Variants in RAB28 observed in about 807,000 individuals in gnomAD.
RAB28 encodes ras-related protein Rab-28.
In RAB28, 24 loss-of-function variants were observed where a neutral mutation model predicts 31.7. The ratio of observed to expected loss-of-function variants is 0.76; its 90% CI spans 0.55 to 1.06. RAB28 has a LOEUF of 1.06. Among genes scored for constraint, RAB28 ranks in the 50% least tolerant of loss-of-function variants. The pLI is 0.00. For missense variants in RAB28, 254 were observed against 258.5 expected, an observed-to-expected ratio of 0.98 and a Z score of 0.12; for synonymous variants, 100 against 90.4, an observed-to-expected ratio of 1.11 and a Z score of -0.60.
At chr4:13,475,351 T>C (rs184388483) in intron 2 of RAB28, among the ~76,000 whole-genome samples, 73 of 151,580 alleles carry the variant, frequency 4.8e-4, no homozygotes, top group African/African-American at 1.7e-3. Context: ...TATGCAGTTT[T>C]CTCCAGTTTC....
At chr4:13,444,302 C>T (rs1714583142) in intron 4 of RAB28, among the ~76,000 whole-genome samples, 1 of 152,142 alleles carries the variant, frequency 6.6e-6, no homozygotes, top group African/African-American at 2.4e-5. Context: ...GTTGGGATTA[C>T]AGACTTGAGC....
rs115186279 is a variant in RAB28, at chr4:13,450,890, C to A, written c.391+9809G>T. Among the ~76,000 whole-genome samples, 1,054 of 151,376 alleles carry A rather than the reference C, an allele frequency of 7.0e-3. 9 individuals are homozygous for A. The highest frequency in any genetic ancestry group is 0.014 in the Middle Eastern group (4 of 294). On this transcript the variant is annotated intron_variant, in intron 4 of 6. Coordinates refer to ENST00000330852, the MANE Select transcript of RAB28 (RefSeq NM_001017979.3). ...GGAAACAGAAAAAAAAATAAACATG[C>A]CTTGCACTTATAATGGGCGAAGAAG...
intron 4 of RAB28, among the ~76,000 whole-genome samples, chr4:13,382,374 G>A (rs1729165835): frequency 6.6e-6 from 1 of 151,802 alleles, no homozygotes; most frequent in Non-Finnish European, 1.5e-5. Context: ...AAATTATAAG[G>A]CAAATATATT....
rs1243873338 is a variant in RAB28 at position 13,484,320 on chromosome 4, G to C, written c.-170C>G. 6.6e-6 allele frequency: 4 copies of C among 605,780 alleles called. No individual in the cohort carries two copies. Among genetic ancestry groups the C allele is most frequent in the Non-Finnish European group, 1.2e-5 (4 of 330,274 alleles). The allele number at this position is 605,780 out of a possible 1,614,324, so 37.5% of individuals were successfully genotyped here. A position where few individuals can be genotyped will look rare whatever the true frequency, so the allele number is the denominator to read the frequency against. ...AGAATCACTCGGCAAGCGCCATCTT[G>C]CCCACCTCCCCGCCCTCTGCGCGCG... is the stretch of plus-strand genomic sequence containing the variant. On this transcript the variant is annotated 5_prime_UTR_variant, in exon 1 of 7. Transcript: ENST00000330852.
intron 4 of RAB28, among the ~76,000 whole-genome samples, chr4:13,417,665 T>C (rs1712871073): frequency 6.6e-6 from 1 of 152,040 alleles, no homozygotes; most frequent in African/African-American, 2.4e-5. Context: ...ACTGGACTCT[T>C]AGAAGGAAAA....
chr4:13,470,534 T>A (rs1463803834), intron 3 of RAB28, among the ~76,000 whole-genome samples: 2 of 152,006 alleles, frequency 1.3e-5, no homozygotes, highest in African/African-American at 2.4e-5. Context: ...TGACTACACT[T>A]CATTGAGTTT....
intron 4 of RAB28, among the ~76,000 whole-genome samples, chr4:13,434,183 G>A (rs1026825242): frequency 6.6e-6 from 1 of 152,126 alleles, no homozygotes; most frequent in Non-Finnish European, 1.5e-5. Flanking sequence ...ATGGAGTGGG[G>A]TAAAGGCTGA....
chr4:13,400,726 GA>G (rs1711699885), intron 4 of RAB28, among the ~76,000 whole-genome samples: 1 of 152,120 alleles, frequency 6.6e-6, no homozygotes, highest in African/African-American at 2.4e-5. Context: ...TGAAGTTGAA[GA>G]AGTTTCTTCT....
intron 4 of RAB28, among the ~76,000 whole-genome samples, chr4:13,432,202 A>C (rs59392732): frequency 6.6e-6 from 1 of 152,132 alleles, no homozygotes; most frequent in African/African-American, 2.4e-5. Context: ...TCAGAGCTTG[A>C]ATACCCGTCT....
intron 6 of RAB28, chr4:13,370,430 T>C (rs528230114): frequency 1.1e-5 from 9 of 807,834 alleles, no homozygotes; most frequent in African/African-American, 9.3e-5. Context: ...ACTGTGAAAG[T>C]ATGGGCGACT....
intron 2 of RAB28, among the ~76,000 whole-genome samples, chr4:13,476,678 T>C (rs1296677675): frequency 6.6e-6 from 1 of 151,520 alleles, no homozygotes; most frequent in Non-Finnish European, 1.5e-5. Context: ...TCTCCTAGTA[T>C]ATTTTCAAGA....
At chr4:13,446,063 C>G (rs1714679431) in intron 4 of RAB28, among the ~76,000 whole-genome samples, 1 of 152,202 alleles carries the variant, frequency 6.6e-6, no homozygotes, top group Non-Finnish European at 1.5e-5. Context: ...TGCAGAGATG[C>G]CTTGCCCAGT....
intron 4 of RAB28, among the ~76,000 whole-genome samples, chr4:13,429,098 C>A (rs530059095): frequency 6.6e-6 from 1 of 152,030 alleles, no homozygotes; most frequent in Non-Finnish European, 1.5e-5. Flanking sequence ...GCGTCTGCCA[C>A]TACGCCTAGC....
chr4:13,415,255 G>A (rs1712688379), intron 4 of RAB28, among the ~76,000 whole-genome samples: 1 of 152,204 alleles, frequency 6.6e-6, no homozygotes, highest in Admixed American at 6.5e-5. Flanking sequence ...AGCCCTCACA[G>A]CCCTTGCTCA....
At chr4:13,474,256 T>C (rs1373943941) in intron 3 of RAB28, 62 bp downstream of exon 3, 7 of 1,074,928 alleles carry the variant, frequency 6.5e-6, no homozygotes, top group African/African-American at 1.6e-5. Flanking sequence ...GGGAGTAGAT[T>C]TGCATGTGTG....
intron 5 of RAB28, 112 bp downstream of exon 5, chr4:13,381,379 G>A: frequency 1.5e-6 from 1 of 684,902 alleles, no homozygotes; most frequent in Non-Finnish European, 2.5e-6. Flanking sequence ...GGAATTTCAT[G>A]TTTTCAATAG....
At chr4:13,445,635 T>C (rs1714653877) in intron 4 of RAB28, among the ~76,000 whole-genome samples, 1 of 152,228 alleles carries the variant, frequency 6.6e-6, no homozygotes, top group African/African-American at 2.4e-5. Context: ...CTGCTGCAGT[T>C]TGCTGGGGGT....
chr4:13,447,588 C>T (rs923904757), intron 4 of RAB28, among the ~76,000 whole-genome samples: 54 of 152,236 alleles, frequency 3.5e-4, no homozygotes, highest in African/African-American at 1.2e-3. Context: ...TACTTAAATT[C>T]TAACTTCAGG....
intron 4 of RAB28, among the ~76,000 whole-genome samples, chr4:13,454,455 A>G (rs1415729922): frequency 6.6e-6 from 1 of 152,092 alleles, no homozygotes; most frequent in East Asian, 1.9e-4. Context: ...TAGAAGAGTC[A>G]CCTCTTCTAA....
Sources: allele counts gnomAD v4.1 joint callset (sites outside exome capture counted in the v4.1 genomes callset), GRCh38; gene constraint gnomAD v4.1.1; transcripts MANE v1.5; gene names NCBI Gene and HGNC (gene_info 2026-07-23, HGNC 2026-07-21).